CAND1: variants seen among roughly 807,000 people sequenced by gnomAD.
CAND1 encodes cullin-associated NEDD8-dissociated protein 1.
In CAND1, 7 loss-of-function variants were observed where a neutral mutation model predicts 108.5. The ratio of observed to expected loss-of-function variants is 0.06; its 90% CI spans 0.04 to 0.12. The LOEUF (loss-of-function observed/expected upper bound fraction) is 0.12, where lower values mean the gene tolerates loss of function less well. Ranked by LOEUF, CAND1 falls within the 10% of genes least tolerant of loss-of-function variation. The pLI is 1.00. For missense variants in CAND1, 941 were observed against 1,448.7 expected (o/e 0.65, Z 5.69); for synonymous variants, 534 against 512.0 (o/e 1.04, Z -0.58).
Position 67,314,720 on chromosome 12 carries a change from T to A in CAND1, c.*1890T>A, listed in dbSNP as rs1364155479. 2 of 152,254 alleles carry A rather than the reference T, an allele frequency of 1.3e-5. No individual in the cohort carries two copies. The allele number at this position is 152,254 out of a possible 1,614,324, so 9.4% of individuals were successfully genotyped here. The stretch of plus-strand genomic sequence containing the variant: ...TTTCTTCAGTTTGTTTGTTTTTAAC[T>A]TTCAAGATGCATGTTTTGTTTTGTT... On this transcript the variant is annotated 3_prime_UTR_variant, in exon 15 of 15. Coordinates refer to ENST00000545606, the MANE Select transcript of CAND1 (RefSeq NM_018448.5).
intron 2 of CAND1, among the ~76,000 whole-genome samples, chr12:67,286,918 C>T (rs2044677165): frequency 6.6e-6 from 1 of 152,134 alleles, no homozygotes; most frequent in Admixed American, 6.6e-5. Context: ...ACCTTCCTTC[C>T]CTTCTGAATT....
rs374098408 is a variant in CAND1, at chr12:67,310,154, A to G, written c.3198A>G (p.Val1066=). 1 of 1,612,238 alleles carries G rather than the reference A, an allele frequency of 6.2e-7. No homozygotes were observed. Among genetic ancestry groups the G allele is most frequent in the Admixed American group, 1.7e-5 (1 of 59,904 alleles). Residue 1066 remains valine (V), a splice_region_variant and synonymous_variant, in exon 13 of 15, where the codon GTA becomes GTG. Coordinates refer to ENST00000545606, the MANE Select transcript of CAND1 (RefSeq NM_018448.5). ...CACGTTCTTTTTTGCTTTAACAGGTAGAAATGGGTCCATTTAAACATACGG... is the reference window on the plus strand; with the variant it reads ...CACGTTCTTTTTTGCTTTAACAGGTGGAAATGGGTCCATTTAAACATACGG... ...TKVRKELIRE[V]EMGPFKHTVD...
At chr12:67,283,582 C>CA (rs376419534) in intron 2 of CAND1, among the ~76,000 whole-genome samples, 17,505 of 88,292 alleles carry the variant, frequency 0.2, 1,563 homozygotes, top group African/African-American at 0.35. Context: ...GACTGTGTCT[C>CA]AAAAAAAAAA....
intron 1 of CAND1, among the ~76,000 whole-genome samples, chr12:67,277,634 G>A (rs1241449920): frequency 6.6e-6 from 1 of 152,116 alleles, no homozygotes; most frequent in Non-Finnish European, 1.5e-5. Flanking sequence ...GTGTTGCTTT[G>A]TGCCACCACA....
At chr12:67,302,828 A>G (rs1469819791) in intron 8 of CAND1, among the ~76,000 whole-genome samples, 1 of 152,200 alleles carries the variant, frequency 6.6e-6, no homozygotes, top group Non-Finnish European at 1.5e-5. Context: ...TATTTAAATA[A>G]TTTTAAGATT....
chr12:67,271,519 A>G (rs1440371793), intron 1 of CAND1, among the ~76,000 whole-genome samples: 1 of 152,248 alleles, frequency 6.6e-6, no homozygotes, highest in African/African-American at 2.4e-5. Flanking sequence ...TGGTGATACC[A>G]TACATGTGAT....
intron 13 of CAND1, chr12:67,311,323 G>A (rs902027166): frequency 1.3e-5 from 2 of 152,068 alleles, no homozygotes; most frequent in Non-Finnish European, 2.9e-5. Context: ...TTGTGTTCCA[G>A]TTCAGTAATT....
chr12:67,281,807 G>A (rs999817935), intron 1 of CAND1, 103 bp from the exon 2 acceptor site: 2 of 669,086 alleles, frequency 3.0e-6, no homozygotes, highest in Non-Finnish European at 4.7e-6. Flanking sequence ...AATAAAAGAT[G>A]TTTCTGTTGA....
In CAND1 at chr12:67,299,075, G is replaced by T. The variant is rs749693989; in HGVS notation, c.980G>T (p.Gly327Val). 6.5e-7 allele frequency: 1 copy of T among 1,535,988 alleles called. No individual in the cohort carries two copies. Among genetic ancestry groups the T allele is most frequent in the East Asian group, 2.3e-5 (1 of 42,928 alleles). Residue 327 changes from glycine (G) to valine (V), a missense_variant, in exon 7 of 15, where the codon GGT becomes GTT. Around this residue, in one of 9 missense-constraint regions of CAND1, gnomAD observed 697 missense variants for 942.0 expected, o/e 0.74. Transcript: ENST00000545606. ...GATGAAAATGCAATGGATGCTGATG[G>T]TGGTGATGATGATGATCAAGGTATT... ...DEDENAMDAD[G>V]GDDDDQGSDD...
intron 1 of CAND1, among the ~76,000 whole-genome samples, chr12:67,277,643 C>G (rs752037182): frequency 6.6e-6 from 1 of 152,162 alleles, no homozygotes; most frequent in Admixed American, 6.5e-5. Flanking sequence ...TGTGCCACCA[C>G]AGCTGGGAAT....
At chr12:67,298,122 T>C (rs1292594038) in intron 6 of CAND1, among the ~76,000 whole-genome samples, 5 of 152,196 alleles carry the variant, frequency 3.3e-5, no homozygotes, top group Admixed American at 1.3e-4. Flanking sequence ...AGGGAAGAAA[T>C]GCCAGTGTAA....
rs148718495 is a variant in CAND1 at position 67,302,348 on chromosome 12, T to C, written c.1026T>C (p.Asp342=). Residue 342 remains aspartate, a synonymous_variant, in exon 8 of 15, where the codon GAT becomes GAC. Transcript: ENST00000545606. ...GGAGTGATGATGAATACAGTGATGATGATGACATGAGTTGGAAAGTGAGAC... is the reference window on the plus strand; with the variant it reads ...GGAGTGATGATGAATACAGTGATGACGATGACATGAGTTGGAAAGTGAGAC... The part of the protein sequence containing the change: ...DQGSDDEYSD[D]DDMSWKVRRA... The C allele has an allele frequency of 1.9e-6, 3 of 1,613,754 alleles. No homozygotes were observed. In the African/African-American group the frequency reaches 4.0e-5, roughly 22 times the overall value.
chr12:67,289,559 G>C (rs2044703354), intron 2 of CAND1, among the ~76,000 whole-genome samples: 1 of 152,100 alleles, frequency 6.6e-6, no homozygotes, highest in Admixed American at 6.6e-5. Context: ...GCTAATTTTA[G>C]TATTTTTGTT....
chr12:67,281,877 T>A (rs1383429738), intron 1 of CAND1, 33 bp from the exon 2 acceptor site: 13 of 1,487,252 alleles, frequency 8.7e-6, no homozygotes, highest in East Asian at 2.4e-5. Context: ...TGCTTTAAAA[T>A]TTTCAAATTA....
intron 3 of CAND1, 90 bp downstream of exon 3, chr12:67,292,866 G>A (rs952827657): frequency 3.2e-6 from 4 of 1,234,348 alleles, no homozygotes; most frequent in East Asian, 2.4e-5. Flanking sequence ...AGGAGGGAGG[G>A]AGGTGGCTGT....
Position 67,304,956 on chromosome 12 carries a change from G to A in CAND1, c.1436-148G>A, listed in dbSNP as rs2044863742. The A allele has an allele frequency of 5.8e-6, 5 of 865,066 alleles. No individual in the cohort carries two copies. In the East Asian group the frequency reaches 1.1e-4, roughly 19 times the overall value. 53.6% of individuals were successfully genotyped at this position (865,066 alleles called of 1,614,324 possible). ...AAGTCTCACCCTAAAATATTTGGCT[G>A]TAATATTTATTGTAGATGGTGAAAA... On this transcript the variant is annotated intron_variant, in intron 9 of 14. Coordinates refer to ENST00000545606, the MANE Select transcript of CAND1 (RefSeq NM_018448.5).
intron 13 of CAND1, chr12:67,310,682 C>G (rs1319839778): frequency 6.3e-6 from 1 of 158,484 alleles, no homozygotes; most frequent in Non-Finnish European, 1.4e-5. Flanking sequence ...AGTTGCTACC[C>G]ATGGAGGGTT....
intron 1 of CAND1, chr12:67,270,769 TAAAAAAAAAAAAAAAAAG>T (rs2044513639): frequency 7.3e-6 from 1 of 137,870 alleles, no homozygotes; most frequent in African/African-American, 2.7e-5. Context: ...GTTCTCAATC[TAAAAAAAAAAAAAAAAAG>T]AAAAAAAAAT....
In CAND1 at chr12:67,317,451, T is replaced by C. The variant is rs2045018391; in HGVS notation, c.*4621T>C. 6.6e-6 allele frequency: 1 copy of C among 151,284 alleles called. No homozygotes were observed. Among genetic ancestry groups the C allele is most frequent in the South Asian group, 2.1e-4 (1 of 4,824 alleles). 9.4% of individuals were successfully genotyped at this position (151,284 alleles called of 1,614,324 possible). ...CCCAGCCACATGTTGTTGATTTCTT[T>C]TTTCTTTTTTTTTCTTTCTTAATTT... On this transcript the variant is annotated 3_prime_UTR_variant, in exon 15 of 15. Coordinates refer to ENST00000545606, the MANE Select transcript of CAND1 (RefSeq NM_018448.5).
Sources: allele counts gnomAD v4.1 joint callset (sites outside exome capture counted in the v4.1 genomes callset), GRCh38; gene constraint gnomAD v4.1.1; regional missense constraint gnomAD v4.1.1; transcripts MANE v1.5; gene names NCBI Gene and HGNC (gene_info 2026-07-23, HGNC 2026-07-21).